The following KCNH1 variants were observed in gnomAD, a reference collection of about 807,000 sequenced individuals.
KCNH1 encodes the protein voltage-gated delayed rectifier potassium channel KCNH1.
KCNH1 carries 27 observed loss-of-function variants against 69.2 expected under a neutral mutation model. The observed-to-expected ratio is 0.39, with a 90% CI of 0.29 to 0.54. The LOEUF (loss-of-function observed/expected upper bound fraction) is 0.54. Among genes scored for constraint, KCNH1 ranks in the 20% least tolerant of loss-of-function variants. KCNH1 has a pLI of 0.68. For synonymous variants in KCNH1, 456 were observed against 487.7 expected, an observed-to-expected ratio of 0.93 and a Z score of 0.86; for missense variants, 798 against 1,261.6, an observed-to-expected ratio of 0.63 and a Z score of 5.57.
In KCNH1 at chr1:210,682,944, G is replaced by GGCT; in HGVS notation, c.*334_*336dup. On this transcript the variant is annotated 3_prime_UTR_variant, in exon 11 of 11. Coordinates refer to ENST00000271751, the MANE Select transcript of KCNH1 (RefSeq NM_172362.3). ...GGCACTTTCCCACCAGTCCCCAGAT[G>GGCT]GCTGCTGCTCTGTTCTGGTAGTTTT... The GGCT allele has an allele frequency of 3.7e-6, 1 of 270,218 alleles. No homozygotes were observed. The highest frequency in any genetic ancestry group is 5.0e-5 in the South Asian group (1 of 19,972). 16.7% of individuals were successfully genotyped at this position (270,218 alleles called of 1,614,324 possible).
At chr1:210,973,043 T>TA (rs1480562349) in intron 6 of KCNH1, among the ~76,000 whole-genome samples, 2 of 152,046 alleles carry the variant, frequency 1.3e-5, no homozygotes. Flanking sequence ...TCATGACTCC[T>TA]AATCATGAAC....
intron 7 of KCNH1, among the ~76,000 whole-genome samples, chr1:210,812,647 G>C (rs1264651613): frequency 6.6e-6 from 1 of 152,226 alleles, no homozygotes; most frequent in Non-Finnish European, 1.5e-5. Flanking sequence ...CTGTGCTGTT[G>C]CCTATGCAGG....
rs1279570054 is a variant in KCNH1, at chr1:211,032,322, A to G, written c.559-13066T>C. 2.6e-5 allele frequency among the ~76,000 whole-genome samples: 4 copies of G among 152,342 alleles called. No individual in the cohort carries two copies. In the East Asian group the frequency reaches 7.7e-4, roughly 29 times the overall value. On this transcript the variant is annotated intron_variant, in intron 5 of 10. Transcript: ENST00000271751. ...GGGAAGGAAGAATCAATATCATGAA[A>G]ATGGACACACTGCCCAAGGTAATTT...
intron 7 of KCNH1, among the ~76,000 whole-genome samples, chr1:210,887,822 C>T (rs936075775): frequency 2.2e-4 from 33 of 150,536 alleles, no homozygotes; most frequent in African/African-American, 6.6e-4. Flanking sequence ...AAGGCCATTA[C>T]GTAATGGTAA....
chr1:210,892,175 C>A (rs902709736), intron 7 of KCNH1, among the ~76,000 whole-genome samples: 2 of 151,702 alleles, frequency 1.3e-5, no homozygotes, highest in Non-Finnish European at 2.9e-5. Context: ...AACAAACCTG[C>A]ACATTCTGCA....
intron 9 of KCNH1, among the ~76,000 whole-genome samples, chr1:210,796,548 C>T (rs983139629): frequency 2.6e-5 from 4 of 152,138 alleles, no homozygotes; most frequent in East Asian, 1.9e-4. Context: ...GTTACCAACA[C>T]GTTCCCCCGC....
chr1:211,033,702 G>A lies in KCNH1; in HGVS notation c.559-14446C>T, dbSNP rs185133784. On this transcript the variant is annotated intron_variant, in intron 5 of 10. Transcript: ENST00000271751. ...CACCGCATATTCTCACTCATAGGTGGGAATTGATCAATGAGAACACATGGA... is the reference window on the plus strand; with the variant it reads ...CACCGCATATTCTCACTCATAGGTGAGAATTGATCAATGAGAACACATGGA... 2.5e-3 allele frequency among the ~76,000 whole-genome samples: 384 copies of A among 152,170 alleles called. 3 individuals are homozygous for A. The highest frequency in any genetic ancestry group is 9.0e-3 in the African/African-American group (374 of 41,516).
chr1:210,877,961 T>C (rs1379354314), intron 7 of KCNH1, among the ~76,000 whole-genome samples: 1 of 152,186 alleles, frequency 6.6e-6, no homozygotes, highest in African/African-American at 2.4e-5. Flanking sequence ...CCTAACTCTC[T>C]TCCTGAATTA....
intron 10 of KCNH1, among the ~76,000 whole-genome samples, chr1:210,771,482 A>G (rs1683753182): frequency 6.6e-6 from 1 of 152,198 alleles, no homozygotes; most frequent in Non-Finnish European, 1.5e-5. Context: ...AGGTGCAGAG[A>G]ACCTGCGGAT....
At position 210,853,957 on chromosome 1, in the gene KCNH1, A is replaced by AG. The variant is rs899770548; in HGVS notation, c.1463-49792_1463-49791insC. Among the ~76,000 whole-genome samples, 14 of 148,196 alleles carry AG rather than the reference A, an allele frequency of 9.4e-5. No individual in the cohort carries two copies. The East Asian group carries it at 1.2e-3, about 12-fold the overall frequency. Reference sequence around the variant, plus strand: ...GCATTTATCTAAGCCAAAAAAAAAAAAAAAAAAAAAAGAAACCAAAGTCTT... The same window carrying AG: ...GCATTTATCTAAGCCAAAAAAAAAAAGAAAAAAAAAAAGAAACCAAAGTCTT... On this transcript the variant is annotated intron_variant, in intron 7 of 10. Coordinates refer to ENST00000271751, the MANE Select transcript of KCNH1 (RefSeq NM_172362.3).
At chr1:211,004,339 G>A (rs929103437) in intron 6 of KCNH1, among the ~76,000 whole-genome samples, 3 of 152,004 alleles carry the variant, frequency 2.0e-5, no homozygotes, top group African/African-American at 4.8e-5. Context: ...TATACGTATC[G>A]ATGCATAAGA....
At chr1:211,064,154 A>G (rs1466116950) in intron 5 of KCNH1, among the ~76,000 whole-genome samples, 1 of 152,232 alleles carries the variant, frequency 6.6e-6, no homozygotes, top group African/African-American at 2.4e-5. Context: ...GGGATAGCTG[A>G]ATAGGTTTGG....
rs541614032 is a variant in KCNH1 at position 210,822,611 on chromosome 1, C to T, written c.1463-18445G>A. Among the ~76,000 whole-genome samples, 4 of 152,212 alleles carry T rather than the reference C, an allele frequency of 2.6e-5. No homozygotes were observed. In the East Asian group the frequency reaches 7.7e-4, roughly 29 times the overall value. The stretch of plus-strand genomic sequence containing the variant: ...CCTAACAATTTTCAAGCAAGAGGAC[C>T]CACATTTTTATTTTGCACTGGGTTT... On this transcript the variant is annotated intron_variant, in intron 7 of 10. Coordinates refer to ENST00000271751, the MANE Select transcript of KCNH1 (RefSeq NM_172362.3).
chr1:210,895,702 A>C (rs1360026893), intron 7 of KCNH1, among the ~76,000 whole-genome samples: 1 of 152,098 alleles, frequency 6.6e-6, no homozygotes, highest in Non-Finnish European at 1.5e-5. Context: ...AAAGGGATAA[A>C]AGTTGAGAGC....
chr1:210,860,019 T>C, intron 7 of KCNH1: 5 of 1,572,810 alleles, frequency 3.2e-6, no homozygotes, highest in Non-Finnish European at 4.4e-6. Context: ...AATGCACTGG[T>C]CAACGTGACG....
chr1:211,033,458 T>C (rs1272045069), intron 5 of KCNH1, among the ~76,000 whole-genome samples: 1 of 152,220 alleles, frequency 6.6e-6, no homozygotes, highest in African/African-American at 2.4e-5. Context: ...TAAAGACACA[T>C]GCACACATAT....
chr1:210,802,165 A>T (rs1234693654), intron 8 of KCNH1, among the ~76,000 whole-genome samples: 1 of 152,238 alleles, frequency 6.6e-6, no homozygotes, highest in Admixed American at 6.5e-5. Context: ...ATGTTCAAGA[A>T]ATGGTAGCTG....
intron 1 of KCNH1, among the ~76,000 whole-genome samples, chr1:211,128,314 A>G (rs1389664253): frequency 1.3e-5 from 2 of 152,086 alleles, no homozygotes; most frequent in African/African-American, 4.8e-5. Flanking sequence ...AGAGGTAAAG[A>G]AAATGAAGCA....
chr1:211,013,716 A>G (rs1250984833), intron 6 of KCNH1, among the ~76,000 whole-genome samples: 1 of 152,222 alleles, frequency 6.6e-6, no homozygotes, highest in African/African-American at 2.4e-5. Flanking sequence ...ACAGAAGGTT[A>G]GAGCTGGGAT....
Sources: allele counts gnomAD v4.1 joint callset (sites outside exome capture counted in the v4.1 genomes callset), GRCh38; gene constraint gnomAD v4.1.1; transcripts MANE v1.5; gene names NCBI Gene and HGNC (gene_info 2026-07-23, HGNC 2026-07-21).